Variants in CDH18 observed in about 807,000 individuals in gnomAD.
CDH18 encodes cadherin 18, also known as cadherin-18.
CDH18 carries 31 observed loss-of-function variants against 67.9 expected under a neutral mutation model. That is an observed-to-expected ratio of 0.46 (90% confidence interval 0.34 to 0.62). CDH18 has a LOEUF of 0.62. Ranked by LOEUF, CDH18 falls within the 20% of genes least tolerant of loss-of-function variation. The pLI, the probability that CDH18 is intolerant of heterozygous loss-of-function variation, is 0.01. For missense variants in CDH18, 890 were observed against 975.5 expected (o/e 0.91, Z 1.17); for synonymous variants, 362 against 347.2 (o/e 1.04, Z -0.48).
intron 1 of CDH18, chr5:20,305,753 C>G: frequency 3.3e-6 from 1 of 302,892 alleles, no homozygotes; most frequent in South Asian, 3.8e-5. Flanking sequence ...GCCGAACACG[C>G]TTTGGGCGGC....
At chr5:19,819,738 T>G (rs577666142) in intron 3 of CDH18, among the ~76,000 whole-genome samples, 83 of 152,228 alleles carry the variant, frequency 5.5e-4, no homozygotes, top group African/African-American at 1.9e-3. Context: ...CAACCATAAG[T>G]GTCCATCCCC....
At chr5:19,891,045 A>T (rs1375575808) in intron 2 of CDH18, among the ~76,000 whole-genome samples, 1 of 152,128 alleles carries the variant, frequency 6.6e-6, no homozygotes, top group Non-Finnish European at 1.5e-5. Context: ...AATATCCAAA[A>T]TTCATTATGT....
chr5:20,103,551 C>T (rs1283808572), intron 2 of CDH18, among the ~76,000 whole-genome samples: 3 of 142,772 alleles, frequency 2.1e-5, no homozygotes, highest in African/African-American at 7.7e-5. Context: ...TAGTGAAACC[C>T]TGTCTCTACT....
At chr5:19,760,038 G>C (rs538430902) in intron 3 of CDH18, among the ~76,000 whole-genome samples, 32 of 152,246 alleles carry the variant, frequency 2.1e-4, no homozygotes, top group African/African-American at 7.7e-4. Context: ...TGATTAATTA[G>C]CCAATGCCAG....
At chr5:20,378,466 A>G (rs1414567244) in intron 1 of CDH18, among the ~76,000 whole-genome samples, 3 of 152,156 alleles carry the variant, frequency 2.0e-5, no homozygotes, top group South Asian at 2.1e-4. Flanking sequence ...GCACTGGTCT[A>G]GGTGGACATC....
chr5:19,740,669 T>C (rs1361629337), intron 4 of CDH18, among the ~76,000 whole-genome samples: 4 of 152,196 alleles, frequency 2.6e-5, no homozygotes, highest in Non-Finnish European at 5.9e-5. Context: ...CATTTACAAA[T>C]ACATTTTTAT....
intron 2 of CDH18, among the ~76,000 whole-genome samples, chr5:20,167,927 C>T (rs1304410199): frequency 3.3e-5 from 5 of 152,110 alleles, no homozygotes; most frequent in Non-Finnish European, 7.3e-5. Flanking sequence ...GGGTTAGCTT[C>T]GTGGACAAGA....
intron 6 of CDH18, among the ~76,000 whole-genome samples, chr5:19,607,382 T>A (rs1341999380): frequency 6.6e-6 from 1 of 151,348 alleles, no homozygotes; most frequent in Non-Finnish European, 1.5e-5. Flanking sequence ...AAAGGGTTAA[T>A]GACATTAAAC....
At chr5:20,224,446 G>A (rs1318554654) in intron 2 of CDH18, among the ~76,000 whole-genome samples, 2 of 151,252 alleles carry the variant, frequency 1.3e-5, no homozygotes, top group African/African-American at 4.9e-5. Flanking sequence ...TTCATAACAT[G>A]AATATGTTTT....
intron 2 of CDH18, among the ~76,000 whole-genome samples, chr5:19,870,547 A>G (rs1351873565): frequency 6.6e-6 from 1 of 152,070 alleles, no homozygotes; most frequent in Admixed American, 6.6e-5. Flanking sequence ...AGATGCTGAG[A>G]CTTCCCCAAA....
At chr5:20,193,667 T>C (rs184868158) in intron 2 of CDH18, among the ~76,000 whole-genome samples, 3 of 152,152 alleles carry the variant, frequency 2.0e-5, no homozygotes, top group African/African-American at 2.4e-5. Flanking sequence ...TTAATGCCAA[T>C]ATCCCTGGAT....
chr5:19,725,694 G>A (rs1203196086), intron 4 of CDH18, among the ~76,000 whole-genome samples: 8 of 152,214 alleles, frequency 5.3e-5, no homozygotes, highest in Admixed American at 2.6e-4. Context: ...ACTTGAACCC[G>A]GGAGGCAGAG....
At chr5:20,275,175 T>C (rs1389589818) in intron 1 of CDH18, among the ~76,000 whole-genome samples, 1 of 152,156 alleles carries the variant, frequency 6.6e-6, no homozygotes. Context: ...GCTTTGTGTC[T>C]CTGCCCAAAT....
chr5:19,585,739 C>G (rs1744039770), intron 7 of CDH18, among the ~76,000 whole-genome samples: 1 of 152,140 alleles, frequency 6.6e-6, no homozygotes, highest in Non-Finnish European at 1.5e-5. Flanking sequence ...GCTTTATAAT[C>G]TTTCTCCACC....
intron 2 of CDH18, among the ~76,000 whole-genome samples, chr5:19,908,287 T>C (rs892967672): frequency 3.9e-5 from 6 of 152,096 alleles, no homozygotes; most frequent in Non-Finnish European, 8.8e-5. Flanking sequence ...TGTTATAGTA[T>C]TGACAATGAC....
At chr5:20,514,658 A>G (rs1755251212) in intron 1 of CDH18, among the ~76,000 whole-genome samples, 1 of 151,968 alleles carries the variant, frequency 6.6e-6, no homozygotes, top group Non-Finnish European at 1.5e-5. Context: ...TTTTAGCATA[A>G]GTTTTATACC....
At chr5:19,515,972 A>G (rs1437604651) in intron 10 of CDH18, among the ~76,000 whole-genome samples, 1 of 152,138 alleles carries the variant, frequency 6.6e-6, no homozygotes, top group Non-Finnish European at 1.5e-5. Context: ...TCAGTATGAT[A>G]TTGGCTGTGG....
At chr5:20,079,410 G>C (rs558000425) in intron 2 of CDH18, among the ~76,000 whole-genome samples, 1 of 152,190 alleles carries the variant, frequency 6.6e-6, no homozygotes, top group East Asian at 1.9e-4. Flanking sequence ...TTCTAAAGCT[G>C]AATTTTATTG....
At chr5:20,027,011 T>TA (rs1003820184) in intron 2 of CDH18, among the ~76,000 whole-genome samples, 50 of 151,034 alleles carry the variant, frequency 3.3e-4, no homozygotes, top group Middle Eastern at 6.8e-3. Context: ...GAAATAAACA[T>TA]AAAAAAATAA....
Sources: allele counts gnomAD v4.1 joint callset (sites outside exome capture counted in the v4.1 genomes callset), GRCh38; gene constraint gnomAD v4.1.1; transcripts MANE v1.5; gene names NCBI Gene and HGNC (gene_info 2026-07-23, HGNC 2026-07-21).